CACNA1E: variants seen among roughly 807,000 people sequenced by gnomAD.
The protein encoded by CACNA1E is calcium voltage-gated channel subunit alpha1 E, also known as voltage-dependent R-type calcium channel subunit alpha-1E.
A neutral mutation model predicts 259.2 loss-of-function variants in CACNA1E; 40 were observed. The ratio of observed to expected loss-of-function variants is 0.15; its 90% CI spans 0.12 to 0.20. The LOEUF is 0.20. Among genes scored for constraint, CACNA1E ranks in the 10% least tolerant of loss-of-function variants. The pLI is 1.00. For missense variants in CACNA1E, 1,874 were observed against 3,040.1 expected, an observed-to-expected ratio of 0.62 and a Z score of 9.02; for synonymous variants, 1,104 against 1,138.5, an observed-to-expected ratio of 0.97 and a Z score of 0.61.
chr1:181,519,709 G>A (rs1666852298), intron 3 of CACNA1E, among the ~76,000 whole-genome samples: 1 of 152,150 alleles, frequency 6.6e-6, no homozygotes, highest in Admixed American at 6.5e-5. Flanking sequence ...CTCTGTTGCA[G>A]CGATGCCTTA....
At chr1:181,342,974 G>A (rs1652284403) in intron 1 of CACNA1E, among the ~76,000 whole-genome samples, 1 of 152,092 alleles carries the variant, frequency 6.6e-6, no homozygotes, top group South Asian at 2.1e-4. Context: ...CCAGGGGAGA[G>A]GACTATCCCT....
chr1:181,715,836 C>A, intron 9 of CACNA1E, among the ~76,000 whole-genome samples: 1 of 152,180 alleles, frequency 6.6e-6, no homozygotes, highest in East Asian at 1.9e-4. Flanking sequence ...TCTTGTGTTG[C>A]AGGAAGGTGC....
intron 6 of CACNA1E, among the ~76,000 whole-genome samples, chr1:181,584,624 G>A (rs1459576202): frequency 1.3e-5 from 2 of 152,146 alleles, no homozygotes; most frequent in Admixed American, 1.3e-4. Context: ...TATGAGCATG[G>A]TGAGGCATAA....
intron 3 of CACNA1E, among the ~76,000 whole-genome samples, chr1:181,551,484 G>A (rs1417052150): frequency 6.6e-6 from 1 of 152,126 alleles, no homozygotes; most frequent in Non-Finnish European, 1.5e-5. Flanking sequence ...CACTTGCTGC[G>A]GTGTTGAAAT....
At chr1:181,370,117 G>C (rs531153839) in intron 1 of CACNA1E, among the ~76,000 whole-genome samples, 2 of 151,924 alleles carry the variant, frequency 1.3e-5, no homozygotes, top group Non-Finnish European at 2.9e-5. Context: ...ACATTCAGGG[G>C]TGTGGTTAAA....
At position 181,437,513 on chromosome 1, in the gene CACNA1E, G is replaced by A. The variant is rs139719184; in HGVS notation, c.434+23933G>A. 1.7e-3 allele frequency among the ~76,000 whole-genome samples: 265 copies of A among 152,258 alleles called. 1 individual carries two copies. The highest frequency in any genetic ancestry group is 3.1e-3 in the Non-Finnish European group (213 of 68,034). On this transcript the variant is annotated intron_variant, in intron 2 of 11. Coordinates refer to the CACNA1E transcript ENST00000524607. ...CTGCCCCTCCTAACCACTCTAACAG[G>A]TGGTCTGCTCACAAAAACTGCTCTT... is the stretch of plus-strand genomic sequence containing the variant.
At chr1:181,572,555 C>T (rs200328664) in intron 3 of CACNA1E, among the ~76,000 whole-genome samples, 2 of 152,244 alleles carry the variant, frequency 1.3e-5, no homozygotes, top group East Asian at 3.9e-4. Flanking sequence ...GCAAAGTGGG[C>T]ATTAAGCACC....
At chr1:181,421,934 C>A (rs1658777935) in intron 2 of CACNA1E, among the ~76,000 whole-genome samples, 1 of 152,182 alleles carries the variant, frequency 6.6e-6, no homozygotes, top group African/African-American at 2.4e-5. Flanking sequence ...GCTCATAAAG[C>A]CCTATCCGAC....
chr1:181,675,613 T>G (rs982090215), intron 7 of CACNA1E, among the ~76,000 whole-genome samples: 1 of 152,148 alleles, frequency 6.6e-6, no homozygotes, highest in South Asian at 2.1e-4. Flanking sequence ...TGAACCAGTT[T>G]TGCATGGGAA....
chr1:181,517,628 G>A (rs1208089300), intron 3 of CACNA1E, among the ~76,000 whole-genome samples: 6 of 151,894 alleles, frequency 4.0e-5, no homozygotes, highest in Non-Finnish European at 1.5e-5. Context: ...GAGGAAAAGG[G>A]AGCAGGGGAG....
At chr1:181,750,413 AC>A in intron 25 of CACNA1E, 62 bp from the exon 26 acceptor site, 11 of 1,488,650 alleles carry the variant, frequency 7.4e-6, no homozygotes, top group Non-Finnish European at 9.3e-6. Context: ...CTCTACCCCA[AC>A]CCCATTTTTT....
chr1:181,711,966 A>T (rs1356268683), intron 8 of CACNA1E, among the ~76,000 whole-genome samples: 1 of 152,226 alleles, frequency 6.6e-6, no homozygotes, highest in Non-Finnish European at 1.5e-5. Context: ...AGACCATAGA[A>T]GGATAAGGCT....
chr1:181,333,338 C>T (rs1025343982), intron 1 of CACNA1E, among the ~76,000 whole-genome samples: 1 of 152,196 alleles, frequency 6.6e-6, no homozygotes, highest in African/African-American at 2.4e-5. Flanking sequence ...GGTCTCACTT[C>T]CTCCAAGCCC....
chr1:181,675,388 G>C (rs571415904), intron 7 of CACNA1E, among the ~76,000 whole-genome samples: 59 of 152,336 alleles, frequency 3.9e-4, no homozygotes, highest in Non-Finnish European at 6.9e-4. Flanking sequence ...GCTGTGCTAA[G>C]AGCGTGTGAG....
intron 1 of CACNA1E, among the ~76,000 whole-genome samples, chr1:181,499,282 A>G (rs1473713150): frequency 6.6e-6 from 1 of 152,230 alleles, no homozygotes; most frequent in African/African-American, 2.4e-5. Context: ...TTTGAGAACA[A>G]TTGAGTACTC....
intron 2 of CACNA1E, among the ~76,000 whole-genome samples, chr1:181,473,724 G>T (rs1327171320): frequency 6.6e-6 from 1 of 152,188 alleles, no homozygotes; most frequent in African/African-American, 2.4e-5. Context: ...GAATCATCAT[G>T]AAATCTCTAT....
At chr1:181,444,353 A>G (rs192858161) in intron 2 of CACNA1E, among the ~76,000 whole-genome samples, 149 of 151,650 alleles carry the variant, frequency 9.8e-4, no homozygotes, top group African/African-American at 3.3e-3. Context: ...ATTTTTCTTT[A>G]TATTGTGTGA....
intron 1 of CACNA1E, among the ~76,000 whole-genome samples, chr1:181,366,862 C>T (rs934126908): frequency 2.0e-5 from 3 of 152,188 alleles, no homozygotes; most frequent in African/African-American, 7.2e-5. Context: ...TGGCACTTAA[C>T]CTGTATGATC....
chr1:181,587,792 A>G (rs11808548), intron 6 of CACNA1E, among the ~76,000 whole-genome samples: 61,214 of 152,032 alleles, frequency 0.4, 14,625 homozygotes, highest in East Asian at 0.67. Flanking sequence ...CTGAGGCAGG[A>G]GAATGGTGTG....
Sources: gnomAD v4.1 joint callset for allele counts (sites outside exome capture counted in the v4.1 genomes callset) on GRCh38, gnomAD v4.1.1 for gene constraint, MANE v1.5 for transcripts, NCBI Gene and HGNC (gene_info 2026-07-23, HGNC 2026-07-21) for gene names.